Variants in SLC4A4 observed in about 807,000 individuals in gnomAD.
SLC4A4 encodes solute carrier family 4 member 4.
SLC4A4 carries 27 observed loss-of-function variants against 111.5 expected under a neutral mutation model. The ratio of observed to expected loss-of-function variants is 0.24; its 90% confidence interval spans 0.18 to 0.33. The LOEUF is 0.33. Among genes scored for constraint, SLC4A4 ranks in the 10% least tolerant of loss-of-function variants. SLC4A4 has a pLI of 1.00. For synonymous variants in SLC4A4, 443 were observed against 463.4 expected (o/e 0.96, Z 0.57); for missense variants, 909 against 1,315.5 (o/e 0.69, Z 4.78).
intron 2 of SLC4A4, among the ~76,000 whole-genome samples, chr4:71,169,036 G>C (rs943210235): frequency 6.6e-6 from 1 of 151,750 alleles, no homozygotes; most frequent in African/African-American, 2.4e-5. Context: ...TTTATTTTTT[G>C]AGATGGGGTT....
At chr4:71,136,709 T>C (rs1743856028) in intron 2 of SLC4A4, among the ~76,000 whole-genome samples, 1 of 152,322 alleles carries the variant, frequency 6.6e-6, no homozygotes, top group Admixed American at 6.5e-5. Flanking sequence ...TTCTCATTAA[T>C]ATACATGTGG....
At chr4:71,458,432 G>A (rs1241346263) in intron 12 of SLC4A4, among the ~76,000 whole-genome samples, 1 of 152,032 alleles carries the variant, frequency 6.6e-6, no homozygotes, top group Non-Finnish European at 1.5e-5. Flanking sequence ...GCACAGTCTA[G>A]AGTGAAGACT....
At chr4:71,382,457 A>G (rs1229868372) in intron 6 of SLC4A4, among the ~76,000 whole-genome samples, 1 of 152,220 alleles carries the variant, frequency 6.6e-6, no homozygotes, top group Non-Finnish European at 1.5e-5. Context: ...AGTGAAAACT[A>G]GCTTTTTCTG....
At chr4:71,408,252 A>C (rs2148995997) in intron 7 of SLC4A4, among the ~76,000 whole-genome samples, 1 of 152,314 alleles carries the variant, frequency 6.6e-6, no homozygotes, top group Admixed American at 6.5e-5. Flanking sequence ...TGAAGACTTA[A>C]GTAAGCATAG....
intron 16 of SLC4A4, among the ~76,000 whole-genome samples, chr4:71,509,807 G>C (rs944430116): frequency 3.3e-5 from 5 of 152,162 alleles, no homozygotes; most frequent in Admixed American, 1.3e-4. Flanking sequence ...CCATGGGTTT[G>C]AGCAATGGGT....
chr4:71,448,226 A>G (rs1288275556), intron 9 of SLC4A4, among the ~76,000 whole-genome samples: 1 of 151,242 alleles, frequency 6.6e-6, no homozygotes, highest in Non-Finnish European at 1.5e-5. Context: ...AGGCTGAGGC[A>G]GGAGAATCAC....
chr4:71,063,536 A>G (rs915255778), intron 1 of SLC4A4, among the ~76,000 whole-genome samples: 5 of 151,906 alleles, frequency 3.3e-5, no homozygotes, highest in Non-Finnish European at 5.9e-5. Context: ...TATTATAATT[A>G]CAATAATTGT....
intron 1 of SLC4A4, among the ~76,000 whole-genome samples, chr4:71,085,753 C>T (rs146170222): frequency 0.097 from 14,664 of 151,876 alleles, 977 homozygotes; most frequent in African/African-American, 0.18. Flanking sequence ...CTGTTCTGTT[C>T]CATTGGTCTA....
chr4:71,477,428 G>A (rs1436011295), intron 14 of SLC4A4, among the ~76,000 whole-genome samples: 1 of 151,582 alleles, frequency 6.6e-6, no homozygotes, highest in African/African-American at 2.4e-5. Context: ...ATACTAACAA[G>A]GCTTCTACTG....
chr4:71,268,441 A>G (rs553181946), intron 3 of SLC4A4, among the ~76,000 whole-genome samples: 2 of 152,272 alleles, frequency 1.3e-5, no homozygotes, highest in East Asian at 1.9e-4. Flanking sequence ...ATGACTTTAC[A>G]TATGTCACCA....
intron 2 of SLC4A4, among the ~76,000 whole-genome samples, chr4:71,097,569 TTC>T (rs1248471330): frequency 6.6e-6 from 1 of 152,168 alleles, no homozygotes; most frequent in Non-Finnish European, 1.5e-5. Context: ...TGAATGGTAG[TTC>T]TGTTTTTAGC....
intron 22 of SLC4A4, 82 bp downstream of exon 22, chr4:71,557,967 T>G (rs1017372424): frequency 7.9e-7 from 1 of 1,267,104 alleles, no homozygotes; most frequent in African/African-American, 1.5e-5. Flanking sequence ...CACACATGTC[T>G]TTTATGTGTT....
In SLC4A4 at chr4:71,300,054, A is replaced by C. The variant is rs190883194; in HGVS notation, c.254-39316A>C. Among the ~76,000 whole-genome samples, 5 of 152,286 alleles carry C rather than the reference A, an allele frequency of 3.3e-5. No individual in the cohort carries two copies. The East Asian group carries it at 9.6e-4, about 29-fold the overall frequency. On this transcript the variant is annotated intron_variant, in intron 3 of 25. Coordinates refer to ENST00000264485, the MANE Select transcript of SLC4A4 (RefSeq NM_001098484.3). ...GAGGATGTTAAGAATTTCCTTAATC[A>C]AACCCATTTTTCATGTCTCCTAGGG...
At chr4:71,521,149 C>T (rs1242649575) in intron 16 of SLC4A4, among the ~76,000 whole-genome samples, 3 of 152,210 alleles carry the variant, frequency 2.0e-5, no homozygotes, top group African/African-American at 7.2e-5. Flanking sequence ...TGAGCCACCA[C>T]ATCTGGCTCC....
intron 2 of SLC4A4, among the ~76,000 whole-genome samples, chr4:71,238,836 A>AT (rs1719985276): frequency 6.6e-6 from 1 of 152,090 alleles, no homozygotes; most frequent in African/African-American, 2.4e-5. Context: ...GAGGTCTTAG[A>AT]TTTTTATAGT....
chr4:71,359,155 A>G (rs1730542882), intron 6 of SLC4A4, among the ~76,000 whole-genome samples: 1 of 152,246 alleles, frequency 6.6e-6, no homozygotes, highest in African/African-American at 2.4e-5. Context: ...GATATGGAAT[A>G]CAACTAATGA....
intron 7 of SLC4A4, among the ~76,000 whole-genome samples, chr4:71,408,908 G>T (rs1721111745): frequency 6.6e-6 from 1 of 152,202 alleles, no homozygotes; most frequent in Admixed American, 6.5e-5. Flanking sequence ...CCAGGGGCAG[G>T]TAATTGAATC....
rs545681476 is a variant in SLC4A4 at position 71,167,942 on chromosome 4, C to T, written c.-1-68634C>T. Among the ~76,000 whole-genome samples, 258 of 152,158 alleles carry T rather than the reference C, an allele frequency of 1.7e-3. 2 individuals are homozygous for T. In the Middle Eastern group the frequency reaches 0.021, roughly 12 times the overall value. On this transcript the variant is annotated intron_variant, in intron 2 of 26. Transcript: ENST00000649996. ...CACCCCTGCCTTAGTCTGTTTTGTG[C>T]TGCTAAAATAGAATACCTAAGGCTG...
intron 1 of SLC4A4, among the ~76,000 whole-genome samples, chr4:71,089,495 T>C (rs915640870): frequency 1.3e-5 from 2 of 152,106 alleles, no homozygotes; most frequent in African/African-American, 4.8e-5. Flanking sequence ...GTTTCCAGTT[T>C]TTCTGCTCTG....
Sources: gnomAD v4.1 joint callset for allele counts (sites outside exome capture counted in the v4.1 genomes callset) on GRCh38, gnomAD v4.1.1 for gene constraint, MANE v1.5 for transcripts, NCBI Gene and HGNC (gene_info 2026-07-23, HGNC 2026-07-21) for gene names.